ZNF385D: variants seen among roughly 807,000 people sequenced by gnomAD.
ZNF385D encodes zinc finger protein 385D.
A neutral mutation model predicts 35.8 loss-of-function variants in ZNF385D; 15 were observed. The observed-to-expected ratio is 0.42, with a 90% confidence interval of 0.28 to 0.64. The LOEUF (loss-of-function observed/expected upper bound fraction) is 0.64, where lower values mean the gene tolerates loss of function less well. Ranked by LOEUF, ZNF385D falls within the 30% of genes least tolerant of loss-of-function variation. The probability of loss-of-function intolerance (pLI) is 0.23; values close to 1 mark genes in which losing one functional copy is unlikely to be tolerated. For synonymous variants in ZNF385D, 212 were observed against 186.8 expected, an observed-to-expected ratio of 1.13 and a Z score of -1.10; for missense variants, 474 against 494.6, an observed-to-expected ratio of 0.96 and a Z score of 0.39.
intron 3 of ZNF385D, among the ~76,000 whole-genome samples, chr3:21,518,527 A>C (rs896985554): frequency 6.6e-6 from 1 of 152,216 alleles, no homozygotes; most frequent in Non-Finnish European, 1.5e-5. Flanking sequence ...AAATAATGAC[A>C]GTAATAATAA....
At chr3:22,193,461 A>G (rs368554049) in intron 2 of ZNF385D, among the ~76,000 whole-genome samples, 2 of 152,136 alleles carry the variant, frequency 1.3e-5, no homozygotes, top group South Asian at 2.1e-4. Context: ...CGAATATTAC[A>G]TAGGATGCAT....
chr3:21,439,903 T>C (rs1192770289), intron 4 of ZNF385D, among the ~76,000 whole-genome samples: 1 of 152,120 alleles, frequency 6.6e-6, no homozygotes, highest in Non-Finnish European at 1.5e-5. Flanking sequence ...CTTTCTGGAA[T>C]ACTTTTGACC....
rs1314854340 is a variant in ZNF385D at position 21,418,727 on chromosome 3, G to A, written c.*2487C>T. On this transcript the variant is annotated 3_prime_UTR_variant, in exon 8 of 8. Transcript: ENST00000281523. ...AAATGGGAAAGAACAGCAAAAGCACGTTTTAGTGAGACTGCTTTAATTAAC... is the reference window on the plus strand; with the variant it reads ...AAATGGGAAAGAACAGCAAAAGCACATTTTAGTGAGACTGCTTTAATTAAC... 4 of 152,302 alleles carry A rather than the reference G, an allele frequency of 2.6e-5. No individual in the cohort carries two copies. The highest frequency in any genetic ancestry group is 1.9e-4 in the East Asian group (1 of 5,186). 9.4% of individuals were successfully genotyped at this position (152,302 alleles called of 1,614,324 possible). A position where few individuals can be genotyped will look rare whatever the true frequency, so the allele number is the denominator to read the frequency against.
intron 3 of ZNF385D, among the ~76,000 whole-genome samples, chr3:21,994,219 A>G (rs898192309): frequency 3.3e-5 from 5 of 152,096 alleles, no homozygotes; most frequent in East Asian, 1.9e-4. Flanking sequence ...CATTAAACAC[A>G]TAAGATCTAC....
chr3:22,264,472 A>G (rs1700794962), intron 2 of ZNF385D, among the ~76,000 whole-genome samples: 1 of 152,048 alleles, frequency 6.6e-6, no homozygotes, highest in South Asian at 2.1e-4. Context: ...GTCAGAGCCT[A>G]GAGGCTAATA....
At chr3:22,342,276 C>CAA (rs766689054) in intron 2 of ZNF385D, among the ~76,000 whole-genome samples, 3,314 of 52,238 alleles carry the variant, frequency 0.063, 172 homozygotes, top group East Asian at 0.13. Flanking sequence ...GACTCCGCCT[C>CAA]AAAAAAAAAA....
intron 3 of ZNF385D, among the ~76,000 whole-genome samples, chr3:22,139,560 A>G (rs1704366414): frequency 6.6e-6 from 1 of 151,784 alleles, no homozygotes; most frequent in Admixed American, 6.6e-5. Context: ...GTGGGAATTG[A>G]ACAATGAGAA....
chr3:22,317,365 TTCA>T (rs201828531), intron 2 of ZNF385D, among the ~76,000 whole-genome samples: 5,832 of 149,324 alleles, frequency 0.039, 335 homozygotes, highest in African/African-American at 0.12. Flanking sequence ...CCCTAAGGAT[TTCA>T]TCAAGTAACC....
chr3:21,818,371 T>C (rs1431222550), intron 3 of ZNF385D, among the ~76,000 whole-genome samples: 1 of 152,202 alleles, frequency 6.6e-6, no homozygotes, highest in East Asian at 1.9e-4. Flanking sequence ...CTAAATGCCA[T>C]CTTTTCCCCT....
intron 2 of ZNF385D, among the ~76,000 whole-genome samples, chr3:22,187,621 C>G (rs140075759): frequency 9.9e-5 from 15 of 152,208 alleles, no homozygotes; most frequent in African/African-American, 3.6e-4. Context: ...GGAATACTTA[C>G]ACATTTTACT....
rs771316078 is a variant in ZNF385D at position 22,004,414 on chromosome 3, A to G, written c.325+164403T>C. ...AGACTTCAAAAGCACAAGCAACAAA[A>G]ACAAAAATAGACAAATGAGATTATA... On this transcript the variant is annotated intron_variant, in intron 3 of 5. Transcript: ENST00000494108. 2.0e-5 allele frequency among the ~76,000 whole-genome samples: 3 copies of G among 152,202 alleles called. No individual in the cohort carries two copies. In the South Asian group the frequency reaches 6.2e-4, roughly 32 times the overall value.
intron 3 of ZNF385D, among the ~76,000 whole-genome samples, chr3:22,106,893 C>T (rs1274250151): frequency 6.6e-6 from 1 of 152,104 alleles, no homozygotes; most frequent in East Asian, 1.9e-4. Flanking sequence ...AGAGTGGTCA[C>T]CTAACTCTTC....
At chr3:21,988,944 A>G (rs1326466754) in intron 3 of ZNF385D, among the ~76,000 whole-genome samples, 5 of 152,136 alleles carry the variant, frequency 3.3e-5, no homozygotes, top group Non-Finnish European at 5.9e-5. Flanking sequence ...AGGTGCGTCC[A>G]TCACCCCTTT....
intron 3 of ZNF385D, among the ~76,000 whole-genome samples, chr3:22,022,373 T>C (rs1483340179): frequency 1.3e-5 from 2 of 152,136 alleles, no homozygotes; most frequent in Non-Finnish European, 2.9e-5. Context: ...AACATGATTT[T>C]GAATGCTGAA....
At chr3:22,046,740 T>A (rs1576222767) in intron 3 of ZNF385D, among the ~76,000 whole-genome samples, 1 of 152,174 alleles carries the variant, frequency 6.6e-6, no homozygotes, top group East Asian at 1.9e-4. Flanking sequence ...AGTGTCATCT[T>A]GATCATTATT....
chr3:22,298,374 ATGTGTG>A (rs372178423), intron 2 of ZNF385D, among the ~76,000 whole-genome samples: 5 of 143,804 alleles, frequency 3.5e-5, no homozygotes, highest in Non-Finnish European at 7.6e-5. Context: ...AGCAGTATGT[ATGTGTG>A]TGTGTGTGTG....
rs533528551 is a variant in ZNF385D, at chr3:22,320,113, T to G, written c.106+52337A>C. 2.0e-5 allele frequency among the ~76,000 whole-genome samples: 3 copies of G among 152,008 alleles called. No homozygotes were observed. The East Asian group carries it at 5.8e-4, about 30-fold the overall frequency. ...GCTTCATGTGGAATCTGGTGCTCTA[T>G]ACATCCTCAACCTTCTCTCTTATCA... On this transcript the variant is annotated intron_variant, in intron 2 of 5. Coordinates refer to the ZNF385D transcript ENST00000494108.
At chr3:22,097,144 C>T (rs112852753) in intron 3 of ZNF385D, among the ~76,000 whole-genome samples, 25 of 152,216 alleles carry the variant, frequency 1.6e-4, no homozygotes, top group Admixed American at 5.9e-4. Flanking sequence ...ATGAACAGAG[C>T]CATTCTGCAT....
intron 2 of ZNF385D, among the ~76,000 whole-genome samples, chr3:21,603,726 A>G (rs771969355): frequency 1.3e-5 from 2 of 152,200 alleles, no homozygotes; most frequent in East Asian, 1.9e-4. Flanking sequence ...TTTTAAATCT[A>G]TGGATACTTA....
Sources: gnomAD v4.1 joint callset for allele counts (sites outside exome capture counted in the v4.1 genomes callset) on GRCh38, gnomAD v4.1.1 for gene constraint, MANE v1.5 for transcripts, NCBI Gene and HGNC (gene_info 2026-07-23, HGNC 2026-07-21) for gene names.